Variants in XKR9 observed in about 807,000 individuals in gnomAD.
The protein encoded by XKR9 is XK related 9, also known as XK-related protein 9.
A neutral mutation model predicts 32.0 loss-of-function variants in XKR9; 32 were observed. The ratio of observed to expected loss-of-function variants is 1.00; its 90% CI spans 0.76 to 1.34. The LOEUF is 1.34. Among genes scored for constraint, XKR9 ranks in the 40% most tolerant of loss-of-function variants. XKR9 has a pLI of 0.00. For missense variants in XKR9, 546 were observed against 429.7 expected, an observed-to-expected ratio of 1.27 and a Z score of -2.39; for synonymous variants, 168 against 143.4, an observed-to-expected ratio of 1.17 and a Z score of -1.22.
the XKR9 span, among the ~76,000 whole-genome samples, chr8:71,046,209 A>AATT: frequency 1.3e-5 from 2 of 152,190 alleles, no homozygotes; most frequent in East Asian, 3.9e-4. Context: ...AGGCTATTAA[A>AATT]TATTAGGGAA....
intron 2 of XKR9, among the ~76,000 whole-genome samples, chr8:70,761,578 C>G (rs1383339482): frequency 6.6e-6 from 1 of 151,992 alleles, no homozygotes; most frequent in Admixed American, 6.6e-5. Context: ...GTTTAAGTTC[C>G]TTATAGATGC....
intron 4 of XKR9, among the ~76,000 whole-genome samples, chr8:70,727,650 G>A (rs569582368): frequency 1.2e-3 from 183 of 151,840 alleles, no homozygotes; most frequent in Non-Finnish European, 1.5e-3. Flanking sequence ...TGCCCGCCTC[G>A]GCCTCCCAAA....
chr8:70,825,937 G>A, the XKR9 span, among the ~76,000 whole-genome samples: 41 of 151,902 alleles, frequency 2.7e-4, 1 homozygote, highest in Non-Finnish European at 4.4e-5. Context: ...CTTCAGAATG[G>A]TCCAATTTCC....
chr8:70,748,991 G>A (rs1807097413), intron 2 of XKR9, among the ~76,000 whole-genome samples: 1 of 152,108 alleles, frequency 6.6e-6, no homozygotes, highest in African/African-American at 2.4e-5. Flanking sequence ...TGTGCTGAGA[G>A]CTGGACACTT....
At chr8:70,814,306 G>T in the XKR9 span, among the ~76,000 whole-genome samples, 1 of 152,078 alleles carries the variant, frequency 6.6e-6, no homozygotes, top group African/African-American at 2.4e-5. Context: ...GTGGGGGAAA[G>T]GGGGAGGGAT....
the XKR9 span, among the ~76,000 whole-genome samples, chr8:70,817,326 C>A: frequency 6.6e-6 from 1 of 151,754 alleles, no homozygotes; most frequent in African/African-American, 2.4e-5. Context: ...TTCTGTGCAC[C>A]AATAATGTTC....
chr8:70,875,188 T>A, the XKR9 span, among the ~76,000 whole-genome samples: 1 of 152,190 alleles, frequency 6.6e-6, no homozygotes, highest in African/African-American at 2.4e-5. Flanking sequence ...GTGTACACAT[T>A]TTCCCCTATA....
At chr8:70,995,567 A>G in the XKR9 span, among the ~76,000 whole-genome samples, 1 of 152,178 alleles carries the variant, frequency 6.6e-6, no homozygotes, top group Non-Finnish European at 1.5e-5. Context: ...AAAGGAAGAA[A>G]CCTACATGCT....
At chr8:70,868,377 T>C in the XKR9 span, among the ~76,000 whole-genome samples, 1 of 152,058 alleles carries the variant, frequency 6.6e-6, no homozygotes. Flanking sequence ...GGTATTTCCA[T>C]ACATCTTCTG....
the XKR9 span, among the ~76,000 whole-genome samples, chr8:70,963,432 A>C: frequency 1.3e-5 from 2 of 152,144 alleles, no homozygotes; most frequent in Non-Finnish European, 2.9e-5. Context: ...GAGCATATGC[A>C]TGCCAGTATC....
chr8:70,900,710 T>G, the XKR9 span, among the ~76,000 whole-genome samples: 1 of 152,232 alleles, frequency 6.6e-6, no homozygotes, highest in African/African-American at 2.4e-5. Flanking sequence ...GGGTGCAACG[T>G]GCAGGTTTGT....
the XKR9 span, among the ~76,000 whole-genome samples, chr8:71,020,562 C>T: frequency 1.3e-5 from 2 of 152,144 alleles, no homozygotes; most frequent in Admixed American, 6.5e-5. Context: ...AACACAACAT[C>T]ATCATCATCA....
intron 4 of XKR9, among the ~76,000 whole-genome samples, chr8:70,726,354 G>C (rs1285228146): frequency 6.6e-6 from 1 of 152,194 alleles, no homozygotes; most frequent in East Asian, 1.9e-4. Flanking sequence ...TGCCTGAATT[G>C]CAGAGGACTG....
At chr8:70,727,461 C>T (rs1337829206) in intron 4 of XKR9, among the ~76,000 whole-genome samples, 8 of 151,686 alleles carry the variant, frequency 5.3e-5, no homozygotes, top group Non-Finnish European at 1.0e-4. Flanking sequence ...AGTGCAGTGG[C>T]GCGATCTTGG....
chr8:70,939,215 G>C, the XKR9 span, among the ~76,000 whole-genome samples: 1 of 152,066 alleles, frequency 6.6e-6, no homozygotes, highest in East Asian at 1.9e-4. Context: ...CCTGCAGACA[G>C]GCAATTACTG....
the XKR9 span, among the ~76,000 whole-genome samples, chr8:70,797,981 C>A: frequency 0.016 from 2,428 of 152,228 alleles, 24 homozygotes; most frequent in Non-Finnish European, 0.025. Flanking sequence ...GATTCCATGT[C>A]TTTGCTATTG....
At chr8:70,739,809 G>A (rs191184664), downstream of XKR9, among the ~76,000 whole-genome samples, 14 of 152,274 alleles carry the variant, frequency 9.2e-5, no homozygotes, top group African/African-American at 3.1e-4. Flanking sequence ...ACTCTCTTCT[G>A]GCTTGTAGAG....
intron 2 of XKR9, among the ~76,000 whole-genome samples, chr8:70,743,197 A>G (rs1409876139): frequency 1.3e-5 from 2 of 151,894 alleles, no homozygotes; most frequent in Non-Finnish European, 2.9e-5. Context: ...AATTTTTAAC[A>G]TTTTTCAGAT....
chr8:70,955,536 T>C, the XKR9 span, among the ~76,000 whole-genome samples: 3 of 152,330 alleles, frequency 2.0e-5, no homozygotes, highest in African/African-American at 4.8e-5. Context: ...GTAGACTCAG[T>C]AATATATAGG....
Sources: gnomAD v4.1 joint callset for allele counts (sites outside exome capture counted in the v4.1 genomes callset) on GRCh38, gnomAD v4.1.1 for gene constraint, MANE v1.5 for transcripts, NCBI Gene and HGNC (gene_info 2026-07-23, HGNC 2026-07-21) for gene names.